AFG3L2: variants seen among roughly 807,000 people sequenced by gnomAD.
AFG3L2 encodes the protein AFG3 like matrix AAA peptidase subunit 2, also known as mitochondrial inner membrane m-AAA protease component AFG3L2.
Under a neutral mutation model 94.5 loss-of-function variants are expected in AFG3L2, and 54 were observed. That is an observed-to-expected ratio of 0.57 (90% CI 0.46 to 0.72). AFG3L2 has a LOEUF of 0.72. Among genes scored for constraint, AFG3L2 ranks in the 30% least tolerant of loss-of-function variants. The pLI, the probability that AFG3L2 is intolerant of heterozygous loss-of-function variation, is 0.00. For missense variants in AFG3L2, 754 were observed against 994.9 expected, an observed-to-expected ratio of 0.76 and a Z score of 3.26; for synonymous variants, 377 against 365.5, an observed-to-expected ratio of 1.03 and a Z score of -0.36.
intron 16 of AFG3L2, among the ~76,000 whole-genome samples, chr18:12,331,453 T>C (rs1360348760): frequency 6.6e-6 from 1 of 152,230 alleles, no homozygotes; most frequent in East Asian, 1.9e-4. Context: ...TGTTCTTTGC[T>C]CAAATAAACT....
intron 13 of AFG3L2, among the ~76,000 whole-genome samples, chr18:12,344,625 G>T (rs980683205): frequency 6.6e-6 from 1 of 151,166 alleles, no homozygotes; most frequent in Non-Finnish European, 1.5e-5. Context: ...AGTGAACTGA[G>T]ATCATGCCGC....
At chr18:12,366,800 C>T (rs552956990) in intron 5 of AFG3L2, among the ~76,000 whole-genome samples, 165 bp downstream of exon 5, 3 of 152,322 alleles carry the variant, frequency 2.0e-5, no homozygotes, top group South Asian at 4.1e-4. Context: ...GGTCAAAACA[C>T]GGGTTCTCTA....
At position 12,348,198 on chromosome 18, in the gene AFG3L2, G is replaced by A. The variant is rs1034500997; in HGVS notation, c.1663+75C>T. ...TACACTTTCTTTGCTTCTAGTTCTTGCCCAAACAGAGAAATCCCTGGCCTC... is the reference window on the plus strand; with the variant it reads ...TACACTTTCTTTGCTTCTAGTTCTTACCCAAACAGAGAAATCCCTGGCCTC... On this transcript the variant is annotated intron_variant, in intron 13 of 16. Transcript: ENST00000269143. The A allele has an allele frequency of 3.1e-6, 4 of 1,286,886 alleles. No individual in the cohort carries two copies. In the African/African-American group the frequency reaches 5.9e-5, roughly 19 times the overall value. The allele number at this position is 1,286,886 out of a possible 1,614,324, so 79.7% of individuals were successfully genotyped here.
chr18:12,369,927 C>T (rs569383318), intron 3 of AFG3L2, among the ~76,000 whole-genome samples: 3 of 150,236 alleles, frequency 2.0e-5, no homozygotes, highest in Admixed American at 1.3e-4. Context: ...GCCAGGCGTG[C>T]GCCTTTAGTC....
intron 9 of AFG3L2, among the ~76,000 whole-genome samples, chr18:12,356,301 GCGA>G (rs1908493496): frequency 6.6e-6 from 1 of 152,046 alleles, no homozygotes; most frequent in African/African-American, 2.4e-5. Context: ...ATAGGCATGC[GCGA>G]CCACGCCTGG....
At chr18:12,355,187 A>C (rs1767104154) in intron 9 of AFG3L2, among the ~76,000 whole-genome samples, 1 of 147,972 alleles carries the variant, frequency 6.8e-6, no homozygotes, top group South Asian at 2.2e-4. Flanking sequence ...CGACAGAGCA[A>C]GACTCCATCT....
At chr18:12,363,543 A>C (rs147523514) in intron 6 of AFG3L2, among the ~76,000 whole-genome samples, 1 of 152,288 alleles carries the variant, frequency 6.6e-6, no homozygotes, top group Admixed American at 6.5e-5. Flanking sequence ...CTGTCTTCTT[A>C]ATGTAGTCAA....
intron 10 of AFG3L2, 124 bp from the exon 11 acceptor site, chr18:12,351,537 C>A: frequency 2.4e-6 from 2 of 840,322 alleles, no homozygotes; most frequent in Non-Finnish European, 1.9e-6. Context: ...TATTCATTAT[C>A]TAGTGTTTTT....
intron 1 of AFG3L2, among the ~76,000 whole-genome samples, chr18:12,372,162 G>A (rs895224384): frequency 1.3e-5 from 2 of 152,144 alleles, no homozygotes; most frequent in African/African-American, 4.8e-5. Context: ...AAATTAGCCA[G>A]GCACAGTGGC....
intron 3 of AFG3L2, among the ~76,000 whole-genome samples, chr18:12,369,100 C>T (rs987091396): frequency 6.6e-6 from 1 of 152,204 alleles, no homozygotes; most frequent in South Asian, 2.1e-4. Flanking sequence ...TATGCACAAG[C>T]CTCAGCCCCC....
Position 12,353,143 on chromosome 18 carries a change from C to A in AFG3L2, c.1180G>T (p.Ala394Ser). The change falls in exon 10 of 17, where the codon GCC becomes TCC. Residue 394 changes from alanine (A) to serine (S), a missense_variant. Physicochemically the swap from Ala to Ser is moderately conservative, Grantham distance 99. This residue lies in a region of AFG3L2 where 109 missense variants were observed against 227.1 expected (regional missense o/e 0.48). Coordinates refer to ENST00000269143, the MANE Select transcript of AFG3L2 (RefSeq NM_006796.3). ...VGPARVRDLFALARKNAPCIL... is the reference protein window; with the variant it reads ...VGPARVRDLFSLARKNAPCIL... ...CAAGGGGCATTCTTCCGAGCAAGGG[C>A]AAATAAGTCTCGGACCTTGGCAAAA... is the stretch of plus-strand genomic sequence containing the variant. 6.2e-7 allele frequency: 1 copy of A among 1,613,678 alleles called. No individual in the cohort carries two copies. The highest frequency in any genetic ancestry group is 8.5e-7 in the Non-Finnish European group (1 of 1,179,774).
At position 12,371,650 on chromosome 18, in the gene AFG3L2, A is replaced by G. The variant is rs1908994931; in HGVS notation, c.156T>C (p.Asn52=). The G allele has an allele frequency of 6.2e-7, 1 of 1,614,024 alleles. No individual in the cohort carries two copies. The highest frequency in any genetic ancestry group is 1.7e-5 in the Admixed American group (1 of 60,004). ...CAGCAATTATATCTGTCAAAAGAGA[A>G]TTTCTGCTGGCCCTTGCTTGAGTTG... ...FVTTQARASR[N]SLLTDIIAAY... is the part of the protein sequence containing the mutation. The change falls in exon 2 of 17, where the codon AAT becomes AAC. Residue 52 remains asparagine (N), a synonymous_variant. Coordinates refer to ENST00000269143, the MANE Select transcript of AFG3L2 (RefSeq NM_006796.3).
intron 16 of AFG3L2, among the ~76,000 whole-genome samples, chr18:12,336,774 G>A (rs977438494): frequency 3.3e-5 from 5 of 152,062 alleles, no homozygotes; most frequent in African/African-American, 1.2e-4. Flanking sequence ...AAATTAAGAA[G>A]TTACCAAATG....
In AFG3L2 at chr18:12,377,183, A is replaced by T; in HGVS notation, c.-101T>A. On this transcript the variant is annotated 5_prime_UTR_variant, in exon 1 of 17. Coordinates refer to ENST00000269143, the MANE Select transcript of AFG3L2 (RefSeq NM_006796.3). ...GGGCTCGGCTCGGGGAAAGGCCGCC[A>T]GGCAGCGAAGCGCGCCGGCGGCTCA... 1 of 928,710 alleles carries T rather than the reference A, an allele frequency of 1.1e-6. No homozygotes were observed. Among genetic ancestry groups the T allele is most frequent in the Non-Finnish European group, 1.5e-6 (1 of 645,790 alleles). 57.5% of individuals were successfully genotyped at this position (928,710 alleles called of 1,614,324 possible). A position where few individuals can be genotyped will look rare whatever the true frequency, so the allele number is the denominator to read the frequency against.
At chr18:12,348,201 C>T in intron 13 of AFG3L2, 72 bp downstream of exon 13, 1 of 1,344,122 alleles carries the variant, frequency 7.4e-7, no homozygotes. Flanking sequence ...AGTTCTTGCC[C>T]AAACAGAGAA....
chr18:12,358,892 G>C lies in AFG3L2; in HGVS notation c.804C>G (p.Leu268=), dbSNP rs1908573815. 4 of 1,614,110 alleles carry C rather than the reference G, an allele frequency of 2.5e-6. No individual in the cohort carries two copies. The highest frequency in any genetic ancestry group is 3.4e-6 in the Non-Finnish European group (4 of 1,180,052). ...LPTVLIIAFL[L]YTIRRGPAGI... is the part of the protein sequence containing the mutation. ...CAGCAGGCCCTCTTCTGATGGTGTA[G>C]AGCAAGAAGGCGATGATGAGCACCG... Residue 268 remains leucine, a synonymous_variant, in exon 8 of 17, where the codon CTC becomes CTG. Transcript: ENST00000269143.
chr18:12,340,227 T>C lies in AFG3L2; in HGVS notation c.1954A>G (p.Lys652Glu). 1.9e-6 allele frequency: 3 copies of C among 1,614,106 alleles called. No homozygotes were observed. Among genetic ancestry groups the C allele is most frequent in the Non-Finnish European group, 2.5e-6 (3 of 1,180,014 alleles). The part of the protein sequence containing the change: ...ITTGAQDDLR[K>E]VTQSAYAQIV... The stretch of plus-strand genomic sequence containing the variant: ...TGGGCATATGCACTCTGAGTTACTT[T>C]TCTCAAGTCATCTTGAGCACCAGTT... The change falls in exon 15 of 17, where the codon AAA becomes GAA. Residue 652 changes from lysine to glutamate, a missense_variant. Transcript: ENST00000269143.
intron 6 of AFG3L2, among the ~76,000 whole-genome samples, chr18:12,361,390 T>C (rs1908656173): frequency 6.6e-6 from 1 of 152,024 alleles, no homozygotes; most frequent in East Asian, 1.9e-4. Context: ...GGCTCACGCC[T>C]GTAATTCCAA....
chr18:12,363,249 C>T (rs1908713513), intron 6 of AFG3L2, among the ~76,000 whole-genome samples: 1 of 152,174 alleles, frequency 6.6e-6, no homozygotes, highest in Admixed American at 6.5e-5. Context: ...CCAGAATTCC[C>T]TCAATGCATT....
Sources: gnomAD v4.1 joint callset for allele counts (sites outside exome capture counted in the v4.1 genomes callset) on GRCh38, gnomAD v4.1.1 for gene constraint, gnomAD v4.1.1 regional missense constraint, MANE v1.5 for transcripts, NCBI Gene and HGNC (gene_info 2026-07-23, HGNC 2026-07-21) for gene names.